The following DOK7 variants were observed in gnomAD, a reference collection of about 807,000 sequenced individuals.
The protein encoded by DOK7 is protein Dok-7.
DOK7 carries 32 observed loss-of-function variants against 30.7 expected under a neutral mutation model. The observed-to-expected ratio is 1.04, with a 90% confidence interval of 0.79 to 1.40. The LOEUF is 1.40. Ranked by LOEUF, DOK7 falls within the 40% of genes most tolerant of loss-of-function variation. DOK7 has a pLI of 0.00. For missense variants in DOK7, 1,007 were observed against 699.2 expected, an observed-to-expected ratio of 1.44 and a Z score of -4.97; for synonymous variants, 447 against 324.1, an observed-to-expected ratio of 1.38 and a Z score of -4.07.
At chr4:3,472,430 C>A (rs913645855) in intron 2 of DOK7, among the ~76,000 whole-genome samples, 7 of 152,214 alleles carry the variant, frequency 4.6e-5, no homozygotes, top group African/African-American at 1.4e-4. Flanking sequence ...AAAACCTACA[C>A]CCTCGCCGAA....
At chr4:3,469,303 G>C (rs1253043376) in intron 2 of DOK7, among the ~76,000 whole-genome samples, 2 of 152,078 alleles carry the variant, frequency 1.3e-5, no homozygotes, top group Non-Finnish European at 2.9e-5. Context: ...TCTCCTTTCA[G>C]CATCACGACC....
At position 3,492,827 on chromosome 4, in the gene DOK7, C is replaced by T; in HGVS notation, c.841C>T (p.Leu281Phe). The change falls in exon 7 of 7, where the codon CTC becomes TTC. Residue 281 changes from leucine to phenylalanine, a missense_variant. Coordinates refer to ENST00000340083, the MANE Select transcript of DOK7 (RefSeq NM_173660.5). ...CTTGGACGTCAGCGCCAGCAGCCGG[C>T]TCACCGCATGGCCAGAGCAATCCTC... ...SHLDVSASSR[L>F]TAWPEQSSSS... 1 of 1,612,576 alleles carries T rather than the reference C, an allele frequency of 6.2e-7. No individual in the cohort carries two copies. Among genetic ancestry groups the T allele is most frequent in the Non-Finnish European group, 8.5e-7 (1 of 1,179,946 alleles).
intron 6 of DOK7, among the ~76,000 whole-genome samples, chr4:3,490,010 C>CCTTCT (rs1482302977): frequency 7.6e-6 from 1 of 131,092 alleles, no homozygotes; most frequent in African/African-American, 3.6e-5. Context: ...TTCCTTCCTT[C>CCTTCT]TCCTCCTGCT....
chr4:3,465,351 G>A (rs908936620), intron 2 of DOK7, among the ~76,000 whole-genome samples: 1 of 152,176 alleles, frequency 6.6e-6, no homozygotes, highest in African/African-American at 2.4e-5. Context: ...CCTTCACCCA[G>A]CTGCCTTCCC....
intron 4 of DOK7, among the ~76,000 whole-genome samples, chr4:3,478,127 G>A (rs1727214189): frequency 6.6e-6 from 1 of 152,198 alleles, no homozygotes; most frequent in Non-Finnish European, 1.5e-5. Flanking sequence ...TTCTGTCTGT[G>A]GAATTCCTTG....
Position 3,490,396 on chromosome 4 carries a change from G to GCTCATTCAT in DOK7, c.772+600_772+601insCTCATTCAT, listed in dbSNP as rs1728215229. On this transcript the variant is annotated intron_variant, in intron 6 of 6. Coordinates refer to ENST00000340083, the MANE Select transcript of DOK7 (RefSeq NM_173660.5). ...CTTCCCCCCACCCCCTGCTCATTCA[G>GCTCATTCAT]TCCTTCTTTCACCCCCCCCACCGCC... Among the ~76,000 whole-genome samples, 263 of 44,406 alleles carry GCTCATTCAT rather than the reference G, an allele frequency of 5.9e-3. 11 individuals carry two copies. The highest frequency in any genetic ancestry group is 0.026 in the African/African-American group (243 of 9,318). 29.1% of individuals were successfully genotyped at this position (44,406 alleles called of 152,430 possible). A position where few individuals can be genotyped will look rare whatever the true frequency, so the allele number is the denominator to read the frequency against.
chr4:3,492,588 G>A lies in DOK7; in HGVS notation c.773-171G>A, dbSNP rs973266277. On this transcript the variant is annotated intron_variant, in intron 6 of 6. Transcript: ENST00000340083. ...GAACAGGAGTGGATGAGGGGTAGAGGGGTTGTTGTTGGTGAAGCCAGGTTT... is the reference window on the plus strand; with the variant it reads ...GAACAGGAGTGGATGAGGGGTAGAGAGGTTGTTGTTGGTGAAGCCAGGTTT... Among the ~76,000 whole-genome samples the A allele has an allele frequency of 3.3e-5, 5 of 152,124 alleles. No individual in the cohort carries two copies. In the South Asian group the frequency reaches 6.2e-4, roughly 19 times the overall value.
At chr4:3,494,890 C>A (rs145133261), downstream of DOK7, among the ~76,000 whole-genome samples, 1 of 152,296 alleles carries the variant, frequency 6.6e-6, no homozygotes, top group East Asian at 1.9e-4. Flanking sequence ...GTCTCAGTCA[C>A]CCCTGCACAT....
At position 3,463,456 on chromosome 4, in the gene DOK7, G is replaced by T. The variant is rs774468059; in HGVS notation, c.54+27G>T. The T allele has an allele frequency of 4.0e-4, 565 of 1,421,666 alleles. 8 individuals are homozygous for T. The South Asian group carries it at 4.8e-3, about 12-fold the overall frequency. 88.1% of individuals were successfully genotyped at this position (1,421,666 alleles called of 1,614,324 possible). On this transcript the variant is annotated intron_variant, in intron 1 of 6. Transcript: ENST00000340083. ...TCGGGGCGCGTCGGGGGCGCGGGGG[G>T]GGGGGGCGCGGGCGCGGGCGGCGGC...
At position 3,493,521 on chromosome 4, in the gene DOK7, G is replaced by A. The variant is rs370678932; in HGVS notation, c.*20G>A. On this transcript the variant is annotated 3_prime_UTR_variant, in exon 7 of 7. Coordinates refer to ENST00000340083, the MANE Select transcript of DOK7 (RefSeq NM_173660.5). ...CCTTGAGAGCCGCAGATCCCGCCCC[G>A]CGGCTGCAAAGGGGCTGAATTTGCC... 1.6e-5 allele frequency: 26 copies of A among 1,608,100 alleles called. No individual in the cohort carries two copies. The highest frequency in any genetic ancestry group is 2.2e-5 in the Non-Finnish European group (26 of 1,177,910).
intron 2 of DOK7, among the ~76,000 whole-genome samples, chr4:3,472,591 G>T (rs563951153): frequency 1.6e-4 from 25 of 152,240 alleles, no homozygotes; most frequent in Non-Finnish European, 3.5e-4. Context: ...TCACAGGAGT[G>T]TCCCCGGGCC....
At chr4:3,464,239 G>T (rs889206720) in intron 2 of DOK7, among the ~76,000 whole-genome samples, 1 of 152,340 alleles carries the variant, frequency 6.6e-6, no homozygotes, top group African/African-American at 2.4e-5. Flanking sequence ...GGGATGCTCG[G>T]CCTGTGTGCA....
chr4:3,480,846 G>C (rs1727401650), intron 4 of DOK7, among the ~76,000 whole-genome samples: 1 of 152,138 alleles, frequency 6.6e-6, no homozygotes, highest in African/African-American at 2.4e-5. Context: ...CTCAGAGGCT[G>C]CGTGAGACTG....
In DOK7 at chr4:3,466,668, C is replaced by T. The variant is rs540928495; in HGVS notation, c.100+3117C>T. 7.9e-5 allele frequency among the ~76,000 whole-genome samples: 12 copies of T among 152,346 alleles called. No individual in the cohort carries two copies. In the East Asian group the frequency reaches 2.3e-3, roughly 29 times the overall value. On this transcript the variant is annotated intron_variant, in intron 2 of 6. Coordinates refer to ENST00000340083, the MANE Select transcript of DOK7 (RefSeq NM_173660.5). The stretch of plus-strand genomic sequence containing the variant: ...AGGGAATCAGAGAGCTGGGGTTCAG[C>T]TCTCAGCTCCACATGTGGGAGCAGT...
At chr4:3,498,014 G>C (rs1371872285), downstream of DOK7, among the ~76,000 whole-genome samples, 1 of 152,192 alleles carries the variant, frequency 6.6e-6, no homozygotes, top group Non-Finnish European at 1.5e-5. Flanking sequence ...GTATCTGCTG[G>C]AGGATGTGAA....
At chr4:3,490,183 C>A (rs1316130788) in intron 6 of DOK7, among the ~76,000 whole-genome samples, 4 of 66,122 alleles carry the variant, frequency 6.0e-5, no homozygotes, top group Non-Finnish European at 1.1e-4. Flanking sequence ...TCCTCCGCCC[C>A]CCCCACTCAT....
In DOK7 at chr4:3,493,233, G is replaced by A. The variant is rs1392647950; in HGVS notation, c.1247G>A (p.Arg416Lys). The A allele has an allele frequency of 6.2e-7, 1 of 1,612,080 alleles. No homozygotes were observed. Among genetic ancestry groups the A allele is most frequent in the Admixed American group, 1.7e-5 (1 of 59,986 alleles). ...DTPRSLCLAP[R>K]DHSPPSQGSP... The stretch of plus-strand genomic sequence containing the variant: ...CCACGCAGCCTTTGCCTGGCTCCTA[G>A]AGACCACAGCCCCCCCTCACAGGGC... Residue 416 changes from arginine to lysine, a missense_variant, in exon 7 of 7, where the codon AGA becomes AAA. Arg to Lys is a conservative substitution (Grantham distance 26, BLOSUM62 2). Transcript: ENST00000340083.
At chr4:3,472,320 A>C (rs887893355) in intron 2 of DOK7, among the ~76,000 whole-genome samples, 1 of 152,224 alleles carries the variant, frequency 6.6e-6, no homozygotes, top group East Asian at 1.9e-4. Flanking sequence ...TGCTTTTCAG[A>C]GCTTCAGATG....
At position 3,493,465 on chromosome 4, in the gene DOK7, A is replaced by G. The variant is rs1208597859; in HGVS notation, c.1479A>G (p.Pro493=). 8 of 1,610,740 alleles carry G rather than the reference A, an allele frequency of 5.0e-6. No homozygotes were observed. Among genetic ancestry groups the G allele is most frequent in the East Asian group, 2.2e-5 (1 of 44,834 alleles). The change falls in exon 7 of 7, where the codon CCA becomes CCG. Residue 493 remains proline, a synonymous_variant. Transcript: ENST00000340083. The stretch of plus-strand genomic sequence containing the variant: ...CCCCGGCTTTCTTTTCGGCATGTCC[A>G]GTCTGTGGAGGACTCAAGGTAAACC... ...GPPPAFFSAC[P]VCGGLKVNPP...
Sources: allele counts gnomAD v4.1 joint callset (sites outside exome capture counted in the v4.1 genomes callset), GRCh38; gene constraint gnomAD v4.1.1; transcripts MANE v1.5; gene names NCBI Gene and HGNC (gene_info 2026-07-23, HGNC 2026-07-21).